The following CDH20 variants were observed in gnomAD, a reference collection of about 807,000 sequenced individuals.
CDH20 encodes the protein cadherin 20, also known as cadherin-20.
A neutral mutation model predicts 74.2 loss-of-function variants in CDH20; 29 were observed. That is an observed-to-expected ratio of 0.39 (90% confidence interval 0.29 to 0.53). The LOEUF (loss-of-function observed/expected upper bound fraction) is 0.53. Among genes scored for constraint, CDH20 ranks in the 20% least tolerant of loss-of-function variants. The probability of loss-of-function intolerance (pLI) is 0.69; values close to 1 mark genes in which losing one functional copy is unlikely to be tolerated. For synonymous variants in CDH20, 469 were observed against 405.4 expected (o/e 1.16, Z -1.88); for missense variants, 988 against 1,048.3 (o/e 0.94, Z 0.79).
intron 1 of CDH20, among the ~76,000 whole-genome samples, chr18:61,458,027 T>C (rs1263877556): frequency 6.6e-6 from 1 of 152,166 alleles, no homozygotes; most frequent in African/African-American, 2.4e-5. Context: ...AATGTGTGTG[T>C]TTAAACAAAC....
In CDH20 at chr18:61,528,116, T is replaced by TG; in HGVS notation, c.1168dup (p.Glu390GlyfsTer11). ...AAGACGTGGACGAGCCCCCTGTGTT[T>TG]GAACCTGGCTTTTACTTTGTGGAGG... On this transcript the variant is annotated frameshift_variant, in exon 7 of 12. Coordinates refer to ENST00000262717, the MANE Select transcript of CDH20 (RefSeq NM_031891.4). LOFTEE classifies it high-confidence loss of function. 1 of 1,614,192 alleles carries TG rather than the reference T, an allele frequency of 6.2e-7. No homozygotes were observed. The highest frequency in any genetic ancestry group is 8.5e-7 in the Non-Finnish European group (1 of 1,180,026).
intron 1 of CDH20, among the ~76,000 whole-genome samples, chr18:61,440,678 C>T (rs568526266): frequency 2.1e-4 from 32 of 152,138 alleles, no homozygotes; most frequent in Non-Finnish European, 4.1e-4. Flanking sequence ...GGCGTCTCAA[C>T]GTCTGGGAGC....
intron 1 of CDH20, among the ~76,000 whole-genome samples, chr18:61,428,892 A>G (rs1913162816): frequency 6.6e-6 from 1 of 152,254 alleles, no homozygotes; most frequent in South Asian, 2.1e-4. Flanking sequence ...GGTTTACGCT[A>G]GAACACCTAT....
At chr18:61,521,853 C>G (rs1912221977) in intron 6 of CDH20, among the ~76,000 whole-genome samples, 1 of 152,104 alleles carries the variant, frequency 6.6e-6, no homozygotes, top group Non-Finnish European at 1.5e-5. Flanking sequence ...GCAGAAAAGC[C>G]CTTCAATAAA....
intron 1 of CDH20, among the ~76,000 whole-genome samples, chr18:61,472,659 G>A (rs529800378): frequency 1.1e-4 from 17 of 152,226 alleles, no homozygotes; most frequent in Non-Finnish European, 2.4e-4. Flanking sequence ...CTTGGGAAAT[G>A]AATGTGTCAA....
intron 4 of CDH20, 55 bp from the exon 5 acceptor site, chr18:61,502,898 T>C: frequency 1.4e-6 from 2 of 1,473,812 alleles, no homozygotes; most frequent in Non-Finnish European, 1.8e-6. Context: ...AACCAATCTT[T>C]AAAAACTGGA....
At chr18:61,361,912 A>G (rs1910706107) in intron 1 of CDH20, among the ~76,000 whole-genome samples, 1 of 152,186 alleles carries the variant, frequency 6.6e-6, no homozygotes, top group South Asian at 2.1e-4. Context: ...TAATGATTAT[A>G]ATTACAGTAT....
At chr18:61,446,473 C>T (rs1054684957) in intron 1 of CDH20, among the ~76,000 whole-genome samples, 2 of 152,166 alleles carry the variant, frequency 1.3e-5, no homozygotes, top group Admixed American at 1.3e-4. Context: ...TCTGTCATCT[C>T]TCAGTTTGGG....
intron 1 of CDH20, among the ~76,000 whole-genome samples, chr18:61,427,767 G>T (rs1408072230): frequency 6.6e-6 from 1 of 152,182 alleles, no homozygotes; most frequent in African/African-American, 2.4e-5. Context: ...TAAACTGCAT[G>T]ATCTCTAGAA....
Position 61,554,940 on chromosome 18 carries a change from GAC to G in CDH20, c.*248_*249del. The stretch of plus-strand genomic sequence containing the variant: ...TTTTTCTTTTCTTTTTGATTTTTCT[GAC>G]ACTGTGTGCGAAGGCTTGGAGTCCA... On this transcript the variant is annotated 3_prime_UTR_variant, in exon 12 of 12. Coordinates refer to ENST00000262717, the MANE Select transcript of CDH20 (RefSeq NM_031891.4). 3 of 1,360,182 alleles carry G rather than the reference GAC, an allele frequency of 2.2e-6. No individual in the cohort carries two copies. The highest frequency in any genetic ancestry group is 2.8e-6 in the Non-Finnish European group (3 of 1,057,400). The allele number at this position is 1,360,182 out of a possible 1,614,324, so 84.3% of individuals were successfully genotyped here. A position where few individuals can be genotyped will look rare whatever the true frequency, so the allele number is the denominator to read the frequency against.
At chr18:61,486,097 A>G (rs759296692) in intron 1 of CDH20, among the ~76,000 whole-genome samples, 10 of 152,166 alleles carry the variant, frequency 6.6e-5, no homozygotes, top group Non-Finnish European at 1.3e-4. Flanking sequence ...ATAAATAAAC[A>G]AACCCATTTT....
intron 6 of CDH20, among the ~76,000 whole-genome samples, chr18:61,510,976 C>CT (rs1215064211): frequency 8.0e-4 from 15 of 18,804 alleles, no homozygotes; most frequent in African/African-American, 3.6e-3. Context: ...TTCTTTCTTT[C>CT]TTTCTTTTTT....
At chr18:61,382,266 C>A (rs1305512552) in intron 1 of CDH20, among the ~76,000 whole-genome samples, 6 of 152,160 alleles carry the variant, frequency 3.9e-5, no homozygotes, top group Non-Finnish European at 2.9e-5. Flanking sequence ...AAACATTCTT[C>A]TAAATGCATC....
At chr18:61,490,885 C>A in intron 2 of CDH20, 86 bp downstream of exon 2, 1 of 1,416,444 alleles carries the variant, frequency 7.1e-7, no homozygotes, top group East Asian at 2.3e-5. Flanking sequence ...TAGCCTTTAT[C>A]TGAGACCTGA....
chr18:61,367,846 C>CT (rs1478644228), intron 1 of CDH20, among the ~76,000 whole-genome samples: 1 of 152,136 alleles, frequency 6.6e-6, no homozygotes, highest in East Asian at 1.9e-4. Context: ...AGAGAAGGAT[C>CT]TGTTCCAGGT....
chr18:61,415,843 A>T (rs991155291), intron 1 of CDH20, among the ~76,000 whole-genome samples: 2 of 151,944 alleles, frequency 1.3e-5, no homozygotes, highest in African/African-American at 2.4e-5. Flanking sequence ...TACTATTCTT[A>T]AAAAAAATGA....
At chr18:61,520,738 T>C (rs935676353) in intron 6 of CDH20, among the ~76,000 whole-genome samples, 2 of 151,178 alleles carry the variant, frequency 1.3e-5, no homozygotes, top group African/African-American at 4.9e-5. Flanking sequence ...ACAAACAGTA[T>C]CTCAGACCAC....
intron 1 of CDH20, among the ~76,000 whole-genome samples, chr18:61,360,479 A>G (rs1407083671): frequency 6.6e-6 from 1 of 152,138 alleles, no homozygotes; most frequent in East Asian, 1.9e-4. Flanking sequence ...GGCATTTGCA[A>G]CCACCACACC....
intron 5 of CDH20, among the ~76,000 whole-genome samples, chr18:61,506,517 T>A (rs1911565652): frequency 6.6e-6 from 1 of 152,210 alleles, no homozygotes. Flanking sequence ...AAAATGTGAT[T>A]GTGTGATTTT....
Sources: allele counts gnomAD v4.1 joint callset (sites outside exome capture counted in the v4.1 genomes callset), GRCh38; gene constraint gnomAD v4.1.1; transcripts MANE v1.5; gene names NCBI Gene and HGNC (gene_info 2026-07-23, HGNC 2026-07-21).